Variants in FXR2 observed in about 807,000 individuals in gnomAD.
FXR2 encodes RNA-binding protein FXR2.
In FXR2, 9 loss-of-function variants were observed where a neutral mutation model predicts 87.3. The ratio of observed to expected loss-of-function variants is 0.10; its 90% confidence interval spans 0.06 to 0.18. The LOEUF (loss-of-function observed/expected upper bound fraction) is 0.18, where lower values mean the gene tolerates loss of function less well. FXR2 is among the 10% of genes least tolerant of loss of function. The pLI is 1.00. For synonymous variants in FXR2, 331 were observed against 328.3 expected (o/e 1.01, Z -0.09); for missense variants, 661 against 893.6 (o/e 0.74, Z 3.32).
intron 6 of FXR2, chr17:7,602,636 G>C (rs1212577046): frequency 3.4e-6 from 1 of 293,174 alleles, no homozygotes; most frequent in Non-Finnish European, 6.4e-6. Context: ...GGCTGAGGCA[G>C]GAGAATTGCT....
At chr17:7,608,442 A>AAT (rs1555572104) in intron 1 of FXR2, among the ~76,000 whole-genome samples, 73 of 143,078 alleles carry the variant, frequency 5.1e-4, no homozygotes, top group African/African-American at 1.6e-3. Context: ...AAAAAAAAAA[A>AAT]AATAATAATA....
chr17:7,596,037 C>A, intron 7 of FXR2, 43 bp from the exon 8 acceptor site: 1 of 1,499,100 alleles, frequency 6.7e-7, no homozygotes, highest in Non-Finnish European at 9.3e-7. Context: ...GGTAGAATCT[C>A]ACAGTCCCAG....
In FXR2 at chr17:7,602,987, G is replaced by T. The variant is rs370312834; in HGVS notation, c.465C>A (p.Asn155Lys). The T allele has an allele frequency of 6.4e-7, 1 of 1,573,620 alleles. No individual in the cohort carries two copies. The highest frequency in any genetic ancestry group is 1.7e-5 in the Admixed American group (1 of 59,066). Reference sequence around the variant, plus strand: ...GGGCTTTCTTGAACTCTTTATGGACGTTTTCATTGGAGCAGCTGCAGAGGA... The same window carrying T: ...GGGCTTTCTTGAACTCTTTATGGACTTTTTCATTGGAGCAGCTGCAGAGGA... ...EDLREACSNE[N>K]VHKEFKKALG... Residue 155 changes from asparagine (N) to lysine (K), a missense_variant, in exon 6 of 17, where the codon AAC becomes AAA. Transcript: ENST00000250113.
rs778622471 is a variant in FXR2 at position 7,593,104 on chromosome 17, C to T, written c.1408G>A (p.Asp470Asn). The T allele has an allele frequency of 3.8e-6, 6 of 1,594,502 alleles. No homozygotes were observed. The East Asian group carries it at 6.7e-5, about 18-fold the overall frequency. Reference protein sequence around the residue: ...REEPNRAGPGDRDPPTRGEES... With the variant: ...REEPNRAGPGNRDPPTRGEES... ...TCCCCTCGGGTTGGGGGATCCCTGT[C>T]GCCAGGCCCAGCTCGGTTGGGCTCC... The change falls in exon 13 of 17, where the codon GAC becomes AAC. Residue 470 changes from aspartate to asparagine, a missense_variant. Coordinates refer to ENST00000250113, the MANE Select transcript of FXR2 (RefSeq NM_004860.4). The surrounding 1 kb of genome is among the most constrained non-coding windows in gnomAD (Gnocchi z 6.1).
intron 1 of FXR2, among the ~76,000 whole-genome samples, chr17:7,608,444 AT>A (rs758836693): frequency 1.3e-4 from 19 of 144,178 alleles, no homozygotes; most frequent in South Asian, 4.5e-4. Context: ...AAAAAAAAAA[AT>A]AATAATAATA....
intron 1 of FXR2, among the ~76,000 whole-genome samples, chr17:7,608,460 T>C (rs762967300): frequency 8.7e-5 from 13 of 148,964 alleles, no homozygotes; most frequent in African/African-American, 1.2e-4. Flanking sequence ...ATAATAATAA[T>C]ATATAAATTA....
Position 7,592,232 on chromosome 17 carries a change from A to ACC in FXR2, c.1926+21_1926+22insGG. On this transcript the variant is annotated intron_variant, in intron 16 of 16. Coordinates refer to ENST00000250113, the MANE Select transcript of FXR2 (RefSeq NM_004860.4). This position sits in a 1 kb window ranked among gnomAD's most constrained non-coding sequence, Gnocchi z 4.8. The stretch of plus-strand genomic sequence containing the variant: ...AGTAACAACAAAAAAGGGATGGGGT[A>ACC]AAGCACATCTTGCCTGCCTACCTTC... 1 of 1,574,582 alleles carries ACC rather than the reference A, an allele frequency of 6.4e-7. No individual in the cohort carries two copies. Among genetic ancestry groups the ACC allele is most frequent in the East Asian group, 2.2e-5 (1 of 44,554 alleles).
chr17:7,612,134 G>A (rs2071870194), intron 1 of FXR2, among the ~76,000 whole-genome samples: 1 of 152,186 alleles, frequency 6.6e-6, no homozygotes, highest in South Asian at 2.1e-4. Flanking sequence ...ATCTCATACA[G>A]TTCATTTGAA....
intron 1 of FXR2, among the ~76,000 whole-genome samples, chr17:7,608,847 T>C (rs1467700502): frequency 6.6e-6 from 1 of 152,232 alleles, no homozygotes; most frequent in African/African-American, 2.4e-5. Context: ...TGGCACACTT[T>C]AAATATGTCT....
At position 7,604,010 on chromosome 17, in the gene FXR2, T is replaced by C; in HGVS notation, c.299A>G (p.Asp100Gly). 1 of 1,593,074 alleles carries C rather than the reference T, an allele frequency of 6.3e-7. No individual in the cohort carries two copies. The highest frequency in any genetic ancestry group is 8.5e-7 in the Non-Finnish European group (1 of 1,170,512). Residue 100 changes from aspartate (D) to glycine (G), a missense_variant and splice_region_variant, in exon 4 of 17, where the codon GAT becomes GGT. Asp to Gly is a moderately conservative substitution (Grantham distance 94). This residue lies in a region of FXR2 where 170 missense variants were observed against 247.2 expected (regional missense o/e 0.69). Transcript: ENST00000250113. ...WLARVRMMKG[D>G]FYVIEYAACD... Reference sequence around the variant, plus strand: ...CCAAAGGCATTCCCAGTCACTCACATCTCCCTTCATCATCCGCACCCGGGC... The same window carrying C: ...CCAAAGGCATTCCCAGTCACTCACACCTCCCTTCATCATCCGCACCCGGGC...
intron 3 of FXR2, among the ~76,000 whole-genome samples, chr17:7,604,862 T>C (rs139186236): frequency 0.039 from 5,956 of 151,008 alleles, 370 homozygotes; most frequent in African/African-American, 0.14. Flanking sequence ...GCTGGGATTA[T>C]AGGCGCCCGC....
chr17:7,592,192 TGCCCCC>T lies in FXR2; in HGVS notation c.1926+56_1926+61del. 6.5e-7 allele frequency: 1 copy of T among 1,530,234 alleles called. No homozygotes were observed. Among genetic ancestry groups the T allele is most frequent in the South Asian group, 1.2e-5 (1 of 85,366 alleles). 94.8% of individuals were successfully genotyped at this position (1,530,234 alleles called of 1,614,324 possible). On this transcript the variant is annotated intron_variant, in intron 16 of 16. Transcript: ENST00000250113. The surrounding 1 kb of genome is among the most constrained non-coding windows in gnomAD (Gnocchi z 4.8). ...AGTAGGAGATTTGTGAAATTTTTTG[TGCCCCC>T]TGCCCCAGAGTAACAACAAAAAAGG...
At chr17:7,601,260 G>C in intron 7 of FXR2, 149 bp downstream of exon 7, 1 of 586,226 alleles carries the variant, frequency 1.7e-6, no homozygotes, top group Non-Finnish European at 3.1e-6. Context: ...CCATCTGGAG[G>C]AGTCTGAGAT....
intron 1 of FXR2, among the ~76,000 whole-genome samples, chr17:7,607,116 C>T (rs1375108669): frequency 6.6e-6 from 1 of 151,982 alleles, no homozygotes; most frequent in East Asian, 1.9e-4. Context: ...GTCAGGAGTT[C>T]GAGACCAGCC....
intron 3 of FXR2, among the ~76,000 whole-genome samples, chr17:7,604,867 G>A (rs556853040): frequency 2.0e-5 from 3 of 151,188 alleles, no homozygotes; most frequent in African/African-American, 4.8e-5. Context: ...GATTATAGGC[G>A]CCCGCCACCA....
Position 7,603,019 on chromosome 17 carries a change from T to C in FXR2, c.450-17A>G. ...TTGGAGCAGCTGCAGAGGAAAAAAG[T>C]ACTCAGCGGGCAGAATGCAGAGAGT... On this transcript the variant is annotated splice_polypyrimidine_tract_variant and intron_variant, in intron 5 of 16. Coordinates refer to ENST00000250113, the MANE Select transcript of FXR2 (RefSeq NM_004860.4). 1.5e-6 allele frequency: 2 copies of C among 1,345,896 alleles called. No homozygotes were observed. Among genetic ancestry groups the C allele is most frequent in the Non-Finnish European group, 1.1e-6 (1 of 944,436 alleles). The allele number at this position is 1,345,896 out of a possible 1,614,324, so 83.4% of individuals were successfully genotyped here.
intron 7 of FXR2, 42 bp downstream of exon 7, chr17:7,601,367 A>G (rs980947854): frequency 1.4e-5 from 14 of 1,035,270 alleles, no homozygotes; most frequent in Non-Finnish European, 2.0e-5. Flanking sequence ...GAAGGGAGGA[A>G]GACAATACCC....
chr17:7,597,437 G>A (rs145978009), intron 7 of FXR2, among the ~76,000 whole-genome samples: 1 of 151,900 alleles, frequency 6.6e-6, no homozygotes, highest in East Asian at 1.9e-4. Flanking sequence ...GATCTACAAT[G>A]ACCTATAAGC....
In FXR2 at chr17:7,595,346, A is replaced by G. The variant is rs1457260999; in HGVS notation, c.831+478T>C. 6.6e-6 allele frequency among the ~76,000 whole-genome samples: 1 copy of G among 152,106 alleles called. No homozygotes were observed. The highest frequency in any genetic ancestry group is 2.4e-5 in the African/African-American group (1 of 41,408). ...CCCAGGTTGGTTCAGTGGCACCATC[A>G]TGGTGTACTGCAGCCTTGACTTTCC... is the stretch of plus-strand genomic sequence containing the variant. On this transcript the variant is annotated intron_variant, in intron 8 of 16. Transcript: ENST00000250113. The surrounding 1 kb of genome is among the most constrained non-coding windows in gnomAD (Gnocchi z 4.7).
Sources: allele counts gnomAD v4.1 joint callset (sites outside exome capture counted in the v4.1 genomes callset), GRCh38; gene constraint gnomAD v4.1.1; regional missense constraint gnomAD v4.1.1; non-coding constraint Gnocchi (gnomAD v3.1); transcripts MANE v1.5; gene names NCBI Gene and HGNC (gene_info 2026-07-23, HGNC 2026-07-21).